The following KLHL20 variants were observed in gnomAD, a reference collection of about 807,000 sequenced individuals.
The protein encoded by KLHL20 is kelch-like protein 20.
In KLHL20, 29 loss-of-function variants were observed where a neutral mutation model predicts 69.5. The observed-to-expected ratio is 0.42, with a 90% CI of 0.31 to 0.57. The LOEUF is 0.57. Ranked by LOEUF, KLHL20 falls within the 20% of genes least tolerant of loss-of-function variation. The pLI is 0.18. For missense variants in KLHL20, 419 were observed against 776.0 expected, an observed-to-expected ratio of 0.54 and a Z score of 5.47; for synonymous variants, 253 against 265.2, an observed-to-expected ratio of 0.95 and a Z score of 0.45.
intron 3 of KLHL20, among the ~76,000 whole-genome samples, chr1:173,737,573 G>T (rs1329409011): frequency 6.6e-6 from 1 of 152,108 alleles, no homozygotes; most frequent in African/African-American, 2.4e-5. Flanking sequence ...TCTTTCCATT[G>T]GTCTATGTAC....
At chr1:173,740,690 T>C (rs1305765917) in intron 3 of KLHL20, among the ~76,000 whole-genome samples, 4 of 152,088 alleles carry the variant, frequency 2.6e-5, no homozygotes, top group African/African-American at 9.7e-5. Context: ...TTCCATGTAT[T>C]TGCGTGGTTT....
In KLHL20 at chr1:173,775,789, C is replaced by A; in HGVS notation, c.1585C>A (p.Pro529Thr). The change falls in exon 10 of 12, where the codon CCC becomes ACC. Residue 529 changes from proline to threonine, a missense_variant. Pro to Thr is a conservative substitution (Grantham distance 38). Around this residue, in one of 6 missense-constraint regions of KLHL20, gnomAD observed 79 missense variants for 154.4 expected, o/e 0.51. Coordinates refer to ENST00000209884, the MANE Select transcript of KLHL20 (RefSeq NM_014458.4). Reference sequence around the variant, plus strand: ...GCTGAGCAGTGCTGAGAGATACAACCCCAGAACCAACCAGTGGTCTCCAGT... The same window carrying A: ...GCTGAGCAGTGCTGAGAGATACAACACCAGAACCAACCAGTGGTCTCCAGT... Reference protein sequence around the residue: ...TELSSAERYNPRTNQWSPVVA... With the variant: ...TELSSAERYNTRTNQWSPVVA... 6.2e-7 allele frequency: 1 copy of A among 1,614,098 alleles called. No homozygotes were observed. The highest frequency in any genetic ancestry group is 8.5e-7 in the Non-Finnish European group (1 of 1,180,012).
At position 173,755,928 on chromosome 1, in the gene KLHL20, T is replaced by A; in HGVS notation, c.857T>A (p.Leu286Ter). The change falls in exon 6 of 12, where the codon TTG becomes TAG. Residue 286 changes from leucine (L) to a stop codon, truncating the protein, a stop_gained. Coordinates refer to ENST00000209884, the MANE Select transcript of KLHL20 (RefSeq NM_014458.4). LOFTEE classifies it high-confidence loss of function. ...LIKSDEECRD[L>*]VDEAKNYLLL... Reference sequence around the variant, plus strand: ...AGGCAGAATTTTTTCTACAGAGACTTGGTAGATGAGGCTAAAAACTACCTC... The same window carrying A: ...AGGCAGAATTTTTTCTACAGAGACTAGGTAGATGAGGCTAAAAACTACCTC... The A allele has an allele frequency of 6.2e-7, 1 of 1,610,616 alleles. No individual in the cohort carries two copies. Among genetic ancestry groups the A allele is most frequent in the Non-Finnish European group, 8.5e-7 (1 of 1,177,226 alleles).
intron 3 of KLHL20, among the ~76,000 whole-genome samples, chr1:173,749,330 T>C (rs1673206020): frequency 6.6e-6 from 1 of 152,218 alleles, no homozygotes; most frequent in Non-Finnish European, 1.5e-5. Flanking sequence ...TTTTCAGCTT[T>C]ATTCATTCTT....
At chr1:173,755,361 A>G (rs1302661800) in intron 5 of KLHL20, among the ~76,000 whole-genome samples, 1 of 152,068 alleles carries the variant, frequency 6.6e-6, no homozygotes, top group Non-Finnish European at 1.5e-5. Flanking sequence ...AAGTCATTAC[A>G]TGTGTAATTA....
chr1:173,756,911 G>A, intron 6 of KLHL20, 65 bp from the exon 7 acceptor site: 2 of 1,471,726 alleles, frequency 1.4e-6, no homozygotes, highest in East Asian at 2.3e-5. Flanking sequence ...AGTGAAGTTA[G>A]TAGTGAGTGT....
intron 10 of KLHL20, 37 bp from the exon 11 acceptor site, chr1:173,782,087 A>G (rs1357883195): frequency 7.2e-7 from 1 of 1,393,096 alleles, no homozygotes; most frequent in Non-Finnish European, 1.0e-6. Context: ...ACGATTGTCT[A>G]GTTTCTTCAG....
chr1:173,726,846 C>T (rs1671992139), intron 2 of KLHL20, among the ~76,000 whole-genome samples: 2 of 152,174 alleles, frequency 1.3e-5, no homozygotes, highest in Admixed American at 1.3e-4. Context: ...AGCACCTCTC[C>T]TCCTCCAAAG....
rs535890943 is a variant in KLHL20 at position 173,738,775 on chromosome 1, G to C, written c.597+4489G>C. The stretch of plus-strand genomic sequence containing the variant: ...TCATATGATTTTTATTTTTAATTCT[G>C]TTTATGTGGTATATCACAATTATTG... On this transcript the variant is annotated intron_variant, in intron 3 of 11. Transcript: ENST00000209884. Among the ~76,000 whole-genome samples, 4 of 152,150 alleles carry C rather than the reference G, an allele frequency of 2.6e-5. 1 individual carries two copies. The highest frequency in any genetic ancestry group is 9.6e-5 in the African/African-American group (4 of 41,490).
intron 8 of KLHL20, among the ~76,000 whole-genome samples, chr1:173,773,056 T>A (rs1232751899): frequency 6.6e-6 from 1 of 152,132 alleles, no homozygotes; most frequent in Non-Finnish European, 1.5e-5. Context: ...AGCTCACAAC[T>A]GTCTCAAGCA....
intron 2 of KLHL20, among the ~76,000 whole-genome samples, chr1:173,722,880 G>A (rs957932284): frequency 6.6e-6 from 1 of 151,986 alleles, no homozygotes; most frequent in Non-Finnish European, 1.5e-5. Flanking sequence ...AGTAGAGATG[G>A]AGCCTCACCA....
intron 3 of KLHL20, among the ~76,000 whole-genome samples, chr1:173,736,243 T>C (rs1672529147): frequency 6.6e-6 from 1 of 151,960 alleles, no homozygotes; most frequent in Admixed American, 6.5e-5. Context: ...CGTGAGTCAC[T>C]GTTCCTGGCC....
At chr1:173,728,797 C>T (rs1358587341) in intron 2 of KLHL20, among the ~76,000 whole-genome samples, 1 of 151,030 alleles carries the variant, frequency 6.6e-6, no homozygotes, top group East Asian at 1.9e-4. Context: ...GCAGGAAAGA[C>T]TAACATCACA....
In KLHL20 at chr1:173,733,696, C is replaced by A; in HGVS notation, c.24-17C>A. The A allele has an allele frequency of 6.4e-7, 1 of 1,560,842 alleles. No homozygotes were observed. Among genetic ancestry groups the A allele is most frequent in the East Asian group, 2.3e-5 (1 of 44,316 alleles). On this transcript the variant is annotated splice_polypyrimidine_tract_variant and intron_variant, in intron 2 of 11. Transcript: ENST00000209884. ...ATAATACTGCCATCTTCTCTCTCTC[C>A]CCCATCATTCCTATAGGTGTACCAA...
At chr1:173,736,039 T>C (rs977434223) in intron 3 of KLHL20, among the ~76,000 whole-genome samples, 11 of 148,890 alleles carry the variant, frequency 7.4e-5, no homozygotes, top group Non-Finnish European at 3.0e-5. Flanking sequence ...TTCTGCCTCC[T>C]GGGTTCAAGT....
chr1:173,764,742 G>A (rs1297792001), intron 7 of KLHL20, among the ~76,000 whole-genome samples: 2 of 151,906 alleles, frequency 1.3e-5, no homozygotes, highest in Middle Eastern at 3.4e-3. Flanking sequence ...GTGGAAGGGG[G>A]TCAAGGGATA....
intron 3 of KLHL20, among the ~76,000 whole-genome samples, chr1:173,747,671 A>G (rs1395162497): frequency 6.6e-6 from 1 of 151,476 alleles, no homozygotes; most frequent in Non-Finnish European, 1.5e-5. Context: ...TTTGTTTTCA[A>G]CTCTATCATA....
intron 2 of KLHL20, 36 bp from the exon 3 acceptor site, chr1:173,733,677 C>T (rs759294738): frequency 7.0e-7 from 1 of 1,432,276 alleles, no homozygotes; most frequent in South Asian, 1.3e-5. Context: ...TATAATAATA[C>T]TGCCATCTTC....
chr1:173,729,031 T>C (rs1208114522), intron 2 of KLHL20, among the ~76,000 whole-genome samples: 1 of 152,086 alleles, frequency 6.6e-6, no homozygotes, highest in Non-Finnish European at 1.5e-5. Context: ...CAATAAAAAA[T>C]GATAAAGGGG....
Sources: gnomAD v4.1 joint callset for allele counts (sites outside exome capture counted in the v4.1 genomes callset) on GRCh38, gnomAD v4.1.1 for gene constraint, gnomAD v4.1.1 regional missense constraint, MANE v1.5 for transcripts, NCBI Gene and HGNC (gene_info 2026-07-23, HGNC 2026-07-21) for gene names.